Variants in YME1L1 observed in about 807,000 individuals in gnomAD.
The protein encoded by YME1L1 is YME1 like 1 ATPase, also known as ATP-dependent zinc metalloprotease YME1L1.
In YME1L1, 39 loss-of-function variants were observed where a neutral mutation model predicts 90.4. The observed-to-expected ratio is 0.43, with a 90% CI of 0.33 to 0.56. YME1L1 has a LOEUF of 0.56. Among genes scored for constraint, YME1L1 ranks in the 20% least tolerant of loss-of-function variants. The pLI is 0.03. For missense variants in YME1L1, 617 were observed against 868.4 expected, an observed-to-expected ratio of 0.71 and a Z score of 3.64; for synonymous variants, 284 against 287.3, an observed-to-expected ratio of 0.99 and a Z score of 0.12.
At chr10:27,129,085 C>CA (rs71523559) in intron 8 of YME1L1, among the ~76,000 whole-genome samples, 1,083 of 48,506 alleles carry the variant, frequency 0.022, 94 homozygotes, top group African/African-American at 0.032. Context: ...GACCCTGTCT[C>CA]AAAAAAAAAA....
At chr10:27,136,034 C>A (rs1009651321) in intron 5 of YME1L1, among the ~76,000 whole-genome samples, 2 of 152,060 alleles carry the variant, frequency 1.3e-5, no homozygotes, top group Non-Finnish European at 2.9e-5. Flanking sequence ...GGATGCTGCT[C>A]ATTAATACAG....
intron 1 of YME1L1, among the ~76,000 whole-genome samples, chr10:27,149,468 G>C (rs1165421447): frequency 1.3e-5 from 2 of 152,038 alleles, no homozygotes; most frequent in African/African-American, 4.8e-5. Context: ...CCAGCACTTT[G>C]GGAGACCGAG....
chr10:27,152,216 G>GATTT (rs935184165), intron 1 of YME1L1, among the ~76,000 whole-genome samples: 1 of 152,078 alleles, frequency 6.6e-6, no homozygotes, highest in African/African-American at 2.4e-5. Flanking sequence ...TCTTTGAAAA[G>GATTT]ATTTATTTGA....
chr10:27,120,922 C>CA (rs1419638556), intron 12 of YME1L1, among the ~76,000 whole-genome samples: 1 of 152,136 alleles, frequency 6.6e-6, no homozygotes, highest in Non-Finnish European at 1.5e-5. Flanking sequence ...AACTACTGAT[C>CA]AAATGAAAAT....
intron 7 of YME1L1, among the ~76,000 whole-genome samples, chr10:27,133,482 C>T (rs1401391566): frequency 1.3e-5 from 2 of 152,116 alleles, no homozygotes; most frequent in Non-Finnish European, 2.9e-5. Context: ...AAATCAGGAA[C>T]ATAGAAGCTG....
intron 8 of YME1L1, among the ~76,000 whole-genome samples, chr10:27,129,718 T>TA (rs10586020): frequency 1.9e-4 from 28 of 146,528 alleles, no homozygotes; most frequent in Non-Finnish European, 2.7e-4. Flanking sequence ...AAAGATAAAA[T>TA]AAAAAAAAAA....
At chr10:27,141,989 T>C (rs1416432746) in intron 4 of YME1L1, among the ~76,000 whole-genome samples, 1 of 152,192 alleles carries the variant, frequency 6.6e-6, no homozygotes, top group East Asian at 1.9e-4. Flanking sequence ...TGTCACTTAT[T>C]TTACAACTTA....
chr10:27,119,259 A>C, intron 14 of YME1L1, 35 bp downstream of exon 14: 8 of 1,561,636 alleles, frequency 5.1e-6, no homozygotes, highest in Non-Finnish European at 5.2e-6. Context: ...ACACAATGAA[A>C]AGTAAAAGAC....
intron 9 of YME1L1, among the ~76,000 whole-genome samples, chr10:27,124,621 T>C (rs1182629022): frequency 1.3e-5 from 2 of 152,234 alleles, no homozygotes; most frequent in Non-Finnish European, 2.9e-5. Context: ...TTAAATCATA[T>C]TAATTTCTGT....
At chr10:27,151,481 G>C (rs2057215389) in intron 1 of YME1L1, among the ~76,000 whole-genome samples, 1 of 152,218 alleles carries the variant, frequency 6.6e-6, no homozygotes, top group South Asian at 2.1e-4. Flanking sequence ...AGACAACAAA[G>C]ATTTAGAATC....
intron 1 of YME1L1, 117 bp downstream of exon 1, chr10:27,154,061 T>C (rs1159404859): frequency 2.7e-5 from 36 of 1,333,148 alleles, no homozygotes; most frequent in South Asian, 1.7e-4. Flanking sequence ...GGGATTCGCA[T>C]TGAGTACATC....
At chr10:27,138,321 C>G (rs1280262529) in intron 4 of YME1L1, among the ~76,000 whole-genome samples, 1 of 151,988 alleles carries the variant, frequency 6.6e-6, no homozygotes, top group Non-Finnish European at 1.5e-5. Flanking sequence ...CTCAGTTATT[C>G]CAAATTAAGT....
intron 11 of YME1L1, 129 bp from the exon 12 acceptor site, chr10:27,121,577 C>G (rs777640580): frequency 1.5e-6 from 1 of 652,730 alleles, no homozygotes; most frequent in Non-Finnish European, 2.7e-6. Context: ...TAGGCTGAAG[C>G]GCACCAGTAT....
Position 27,116,214 on chromosome 10 carries a change from C to T in YME1L1, c.1846+5G>A. 6.2e-7 allele frequency: 1 copy of T among 1,614,150 alleles called. No individual in the cohort carries two copies. Among genetic ancestry groups the T allele is most frequent in the Non-Finnish European group, 8.5e-7 (1 of 1,180,028 alleles). The stretch of plus-strand genomic sequence containing the variant: ...TTTGAACTAAAGCCATTCTTTAAAG[C>T]TAACCTGTTGTAATATGGTCGGTTC... On this transcript the variant is annotated splice_donor_5th_base_variant and intron_variant, in intron 16 of 18. Coordinates refer to ENST00000376016, the MANE Select transcript of YME1L1 (RefSeq NM_014263.4).
At chr10:27,143,572 C>G (rs936119439) in intron 3 of YME1L1, among the ~76,000 whole-genome samples, 6 of 151,664 alleles carry the variant, frequency 4.0e-5, no homozygotes, top group African/African-American at 1.5e-4. Context: ...GTGGCGGATG[C>G]GTGTAGTCCC....
rs1160092552 is a variant in YME1L1 at position 27,111,802 on chromosome 10, T to C, written c.*175A>G. The stretch of plus-strand genomic sequence containing the variant: ...CCATGGGATGCTAATTTGCAATAGG[T>C]GTCATAATGAGAATAACCCAAACTG... On this transcript the variant is annotated 3_prime_UTR_variant, in exon 19 of 19. Coordinates refer to ENST00000376016, the MANE Select transcript of YME1L1 (RefSeq NM_014263.4). 3 of 791,314 alleles carry C rather than the reference T, an allele frequency of 3.8e-6. No homozygotes were observed. The highest frequency in any genetic ancestry group is 6.5e-6 in the Non-Finnish European group (3 of 462,338). 49.0% of individuals were successfully genotyped at this position (791,314 alleles called of 1,614,324 possible).
intron 8 of YME1L1, among the ~76,000 whole-genome samples, chr10:27,130,955 C>CTACG (rs201000446): frequency 0.01 from 1,570 of 152,344 alleles, 8 homozygotes; most frequent in Non-Finnish European, 0.017. Context: ...CTCTTACACC[C>CTACG]TACGTTCCAA....
intron 4 of YME1L1, among the ~76,000 whole-genome samples, chr10:27,139,406 C>A (rs1430548085): frequency 6.6e-6 from 1 of 152,070 alleles, no homozygotes; most frequent in Non-Finnish European, 1.5e-5. Context: ...GTTTTGAACT[C>A]CTGGCTTCAA....
chr10:27,145,307 A>G (rs1202196962), intron 3 of YME1L1, 121 bp downstream of exon 3: 2 of 866,330 alleles, frequency 2.3e-6, no homozygotes, highest in Non-Finnish European at 3.1e-6. Flanking sequence ...AAAACAAAAA[A>G]AAAACACTTC....
Sources: allele counts gnomAD v4.1 joint callset (sites outside exome capture counted in the v4.1 genomes callset), GRCh38; gene constraint gnomAD v4.1.1; transcripts MANE v1.5; gene names NCBI Gene and HGNC (gene_info 2026-07-23, HGNC 2026-07-21).